Variants in AGAP1 observed in about 807,000 individuals in gnomAD.
AGAP1 encodes the protein ArfGAP with GTPase domain, ankyrin repeat and PH domain 1, also known as arf-GAP with GTPase, ANK repeat and PH domain-containing protein 1.
In AGAP1, 29 loss-of-function variants were observed where a neutral mutation model predicts 105.3. The observed-to-expected ratio is 0.28, with a 90% CI of 0.21 to 0.38. The LOEUF is 0.38. Among genes scored for constraint, AGAP1 ranks in the 10% least tolerant of loss-of-function variants. The pLI is 1.00. For missense variants in AGAP1, 998 were observed against 1,165.1 expected, an observed-to-expected ratio of 0.86 and a Z score of 2.09; for synonymous variants, 509 against 485.9, an observed-to-expected ratio of 1.05 and a Z score of -0.63.
chr2:235,583,111 G>A (rs1480643282), intron 1 of AGAP1, among the ~76,000 whole-genome samples: 1 of 152,172 alleles, frequency 6.6e-6, no homozygotes, highest in African/African-American at 2.4e-5. Context: ...GGGGCTCTGG[G>A]GCACCTCCAA....
At position 236,118,619 on chromosome 2, in the gene AGAP1, C is replaced by A. The variant is rs569000243; in HGVS notation, c.2115-1573C>A. On this transcript the variant is annotated intron_variant, in intron 16 of 17. Coordinates refer to ENST00000304032, the MANE Select transcript of AGAP1 (RefSeq NM_001037131.3). ...GGCCAAGCTGGTCTCGAACTCCTGACCTCAGGTGATCCACCCACCTCGGCC... is the reference window on the plus strand; with the variant it reads ...GGCCAAGCTGGTCTCGAACTCCTGAACTCAGGTGATCCACCCACCTCGGCC... Among the ~76,000 whole-genome samples the A allele has an allele frequency of 8.5e-5, 13 of 152,132 alleles. No individual in the cohort carries two copies. The East Asian group carries it at 2.5e-3, about 29-fold the overall frequency.
intron 9 of AGAP1, among the ~76,000 whole-genome samples, chr2:235,881,827 A>G (rs745951806): frequency 3.3e-5 from 5 of 152,360 alleles, no homozygotes; most frequent in Admixed American, 6.5e-5. Context: ...GTTGGTTTCA[A>G]ATTCTGAGTG....
At chr2:235,743,776 A>G (rs1952726314) in intron 4 of AGAP1, among the ~76,000 whole-genome samples, 1 of 152,142 alleles carries the variant, frequency 6.6e-6, no homozygotes, top group African/African-American at 2.4e-5. Flanking sequence ...AGCAGACGGG[A>G]TGGATTTCGG....
intron 1 of AGAP1, among the ~76,000 whole-genome samples, chr2:235,595,940 C>T (rs7569294): frequency 0.17 from 25,398 of 152,192 alleles, 2,687 homozygotes; most frequent in South Asian, 0.29. Context: ...CAAAGTGTTT[C>T]GTCTCAGAAT....
intron 6 of AGAP1, among the ~76,000 whole-genome samples, chr2:235,775,967 C>T (rs939260719): frequency 1.3e-5 from 2 of 152,136 alleles, no homozygotes; most frequent in African/African-American, 4.8e-5. Flanking sequence ...TGTGCAACCG[C>T]CAGCTTCTGT....
At chr2:235,968,922 C>T (rs1440278659) in intron 13 of AGAP1, among the ~76,000 whole-genome samples, 1 of 152,188 alleles carries the variant, frequency 6.6e-6, no homozygotes, top group Admixed American at 6.5e-5. Flanking sequence ...TCTCGCCCCA[C>T]CCTGGCAGCC....
At chr2:235,903,414 G>A (rs2051155736) in intron 10 of AGAP1, among the ~76,000 whole-genome samples, 3 of 152,180 alleles carry the variant, frequency 2.0e-5, no homozygotes. Context: ...CAATCATATA[G>A]TGTATGCATT....
At chr2:235,812,232 G>A (rs1958184735) in intron 9 of AGAP1, among the ~76,000 whole-genome samples, 1 of 152,142 alleles carries the variant, frequency 6.6e-6, no homozygotes, top group Admixed American at 6.5e-5. Context: ...CAGGGAGTCA[G>A]CTGTGAGAGC....
chr2:235,816,176 G>T (rs566731210), intron 9 of AGAP1, among the ~76,000 whole-genome samples: 1 of 152,166 alleles, frequency 6.6e-6, no homozygotes, highest in Non-Finnish European at 1.5e-5. Flanking sequence ...AGTGGCTCAC[G>T]CCGGTAATCC....
At chr2:235,675,949 A>G (rs913417484) in intron 1 of AGAP1, among the ~76,000 whole-genome samples, 20 of 152,256 alleles carry the variant, frequency 1.3e-4, no homozygotes, top group African/African-American at 4.8e-4. Context: ...TGACAGGCAC[A>G]TTGTAGCAAA....
At position 235,977,871 on chromosome 2, in the gene AGAP1, C is replaced by A. The variant is rs116437039; in HGVS notation, c.1645+9248C>A. Among the ~76,000 whole-genome samples the A allele has an allele frequency of 7.2e-5, 11 of 152,280 alleles. No individual in the cohort carries two copies. Among genetic ancestry groups the A allele is most frequent in the Admixed American group, 2.0e-4 (3 of 15,308 alleles). ...TAGCTCAGCCTGCCATATCAAAATG[C>A]CACAGACTGGGGGCTTAACCAGCAG... is the stretch of plus-strand genomic sequence containing the variant. On this transcript the variant is annotated intron_variant, in intron 13 of 17. Coordinates refer to ENST00000304032, the MANE Select transcript of AGAP1 (RefSeq NM_001037131.3). The surrounding 1 kb of genome is among the most constrained non-coding windows in gnomAD (Gnocchi z 5.2).
At chr2:235,772,225 C>T (rs1259921953) in intron 6 of AGAP1, among the ~76,000 whole-genome samples, 1 of 152,090 alleles carries the variant, frequency 6.6e-6, no homozygotes, top group Non-Finnish European at 1.5e-5. Flanking sequence ...ATCCTGACCT[C>T]AGGTGATCCG....
rs61257818 is a variant in AGAP1 at position 235,867,536 on chromosome 2, AGTGTGTGTGTGTGTGTGTGTGTGTGTGT to A, written c.1051-15797_1051-15770del. ...ATCATACACCTTATGCTGGTGCTGCAGTGTGTGTGTGTGTGTGTGTGTGTGTGTGTGTGTGTGTGCAAGTGAGGGAGGG... is the reference window on the plus strand; with the variant it reads ...ATCATACACCTTATGCTGGTGCTGCAGTGTGTGTGTGCAAGTGAGGGAGGG... On this transcript the variant is annotated intron_variant, in intron 9 of 17. Transcript: ENST00000304032. The surrounding 1 kb of genome is among the most constrained non-coding windows in gnomAD (Gnocchi z 5.4). 8.1e-6 allele frequency among the ~76,000 whole-genome samples: 1 copy of A among 123,240 alleles called. No individual in the cohort carries two copies. Among genetic ancestry groups the A allele is most frequent in the Non-Finnish European group, 1.7e-5 (1 of 57,418 alleles). 80.9% of individuals were successfully genotyped at this position (123,240 alleles called of 152,430 possible).
chr2:235,734,521 G>C lies in AGAP1; in HGVS notation c.311-6442G>C, dbSNP rs1952131373. On this transcript the variant is annotated intron_variant, in intron 3 of 17. Transcript: ENST00000304032. This position sits in a 1 kb window ranked among gnomAD's most constrained non-coding sequence, Gnocchi z 5.3. ...AAGAGTCATTTTCATCCTTAGCTCA[G>C]GCATGAAAAAAAAAAAAAGAATAGT... 6.8e-6 allele frequency among the ~76,000 whole-genome samples: 1 copy of C among 147,772 alleles called. No individual in the cohort carries two copies. The highest frequency in any genetic ancestry group is 1.5e-5 in the Non-Finnish European group (1 of 67,570).
intron 9 of AGAP1, among the ~76,000 whole-genome samples, chr2:235,863,449 G>T (rs2049019339): frequency 6.6e-6 from 1 of 152,218 alleles, no homozygotes. Flanking sequence ...CTGGTGTGTA[G>T]TTCACCTATA....
At chr2:235,647,589 T>C (rs1039739328) in intron 1 of AGAP1, among the ~76,000 whole-genome samples, 6 of 152,050 alleles carry the variant, frequency 3.9e-5, no homozygotes, top group African/African-American at 9.7e-5. Flanking sequence ...ACTCTTGCAG[T>C]GTTGCCTGGG....
In AGAP1 at chr2:235,797,755, C is replaced by T. The variant is rs557765289; in HGVS notation, c.674-4C>T. The T allele has an allele frequency of 4.3e-6, 7 of 1,614,144 alleles. No individual in the cohort carries two copies. The South Asian group carries it at 6.6e-5, about 15-fold the overall frequency. On this transcript the variant is annotated splice_polypyrimidine_tract_variant and splice_region_variant and intron_variant, in intron 6 of 17. Transcript: ENST00000304032. Reference sequence around the variant, plus strand: ...GGATTTCTTTTTGTCTGTGTGTCCACCAGTTGCCCAGAAGATTGTTGCCAC... The same window carrying T: ...GGATTTCTTTTTGTCTGTGTGTCCATCAGTTGCCCAGAAGATTGTTGCCAC...
In AGAP1 at chr2:236,049,548, T is replaced by C. The variant is rs564219175; in HGVS notation, c.2114+267T>C. On this transcript the variant is annotated intron_variant, in intron 16 of 17. Transcript: ENST00000304032. ...GAAATGTATTAAGCTTCTAACCTTA[T>C]GAATATATTACTTTAATTAATACAT... 9.4e-4 allele frequency: 329 copies of C among 349,680 alleles called. 3 individuals are homozygous for C. Among genetic ancestry groups the C allele is most frequent in the African/African-American group, 5.9e-3 (291 of 49,122 alleles). 21.7% of individuals were successfully genotyped at this position (349,680 alleles called of 1,614,324 possible).
At chr2:235,834,186 T>C (rs1342606303) in intron 9 of AGAP1, among the ~76,000 whole-genome samples, 1 of 152,134 alleles carries the variant, frequency 6.6e-6, no homozygotes, top group African/African-American at 2.4e-5. Flanking sequence ...TGTGGTGCCT[T>C]GTGGGAGAAA....
Sources: allele counts gnomAD v4.1 joint callset (sites outside exome capture counted in the v4.1 genomes callset), GRCh38; gene constraint gnomAD v4.1.1; non-coding constraint Gnocchi (gnomAD v3.1); transcripts MANE v1.5; gene names NCBI Gene and HGNC (gene_info 2026-07-23, HGNC 2026-07-21).